Variants in WAC observed in about 807,000 individuals in gnomAD.
The protein encoded by WAC is WW domain containing adaptor with coiled-coil, also known as WW domain-containing adapter protein with coiled-coil.
Under a neutral mutation model 79.6 loss-of-function variants are expected in WAC, and 11 were observed. That is an observed-to-expected ratio of 0.14 (90% CI 0.09 to 0.23). The LOEUF is 0.23. Among genes scored for constraint, WAC ranks in the 10% least tolerant of loss-of-function variants. The probability of loss-of-function intolerance (pLI) is 1.00; values close to 1 mark genes in which losing one functional copy is unlikely to be tolerated. For missense variants in WAC, 728 were observed against 773.5 expected, an observed-to-expected ratio of 0.94 and a Z score of 0.70; for synonymous variants, 304 against 276.9, an observed-to-expected ratio of 1.10 and a Z score of -0.97.
At chr10:28,553,504 T>C (rs1037161485) in intron 3 of WAC, among the ~76,000 whole-genome samples, 2 of 152,146 alleles carry the variant, frequency 1.3e-5, no homozygotes, top group African/African-American at 4.8e-5. Context: ...TTTCAGAAAT[T>C]CTTGTGTATT....
At chr10:28,573,890 A>G (rs1839107506) in intron 3 of WAC, among the ~76,000 whole-genome samples, 1 of 151,862 alleles carries the variant, frequency 6.6e-6, no homozygotes. Context: ...GCTCTAAGAA[A>G]CTATTACTGC....
At chr10:28,593,057 T>C (rs1840178553) in intron 6 of WAC, among the ~76,000 whole-genome samples, 1 of 152,216 alleles carries the variant, frequency 6.6e-6, no homozygotes, top group Admixed American at 6.5e-5. Context: ...GATTACTGCC[T>C]TCAGTTAAAT....
chr10:28,616,085 T>C, intron 11 of WAC, 88 bp from the exon 12 acceptor site: 1 of 1,087,404 alleles, frequency 9.2e-7, no homozygotes, highest in Non-Finnish European at 1.3e-6. Context: ...ATCTTTAAGT[T>C]AATAAAAGGT....
chr10:28,613,209 G>C (rs1279058596), intron 10 of WAC, among the ~76,000 whole-genome samples: 2 of 152,128 alleles, frequency 1.3e-5, no homozygotes, highest in Non-Finnish European at 2.9e-5. Flanking sequence ...TCTACTAAAA[G>C]TACAAAAATT....
chr10:28,546,251 T>G (rs2132387651), intron 3 of WAC, among the ~76,000 whole-genome samples: 1 of 152,366 alleles, frequency 6.6e-6, no homozygotes, highest in East Asian at 1.9e-4. Flanking sequence ...GCTAGTGAAT[T>G]ATGTTACATT....
intron 3 of WAC, among the ~76,000 whole-genome samples, chr10:28,565,937 T>C (rs1180967034): frequency 6.6e-6 from 1 of 152,198 alleles, no homozygotes; most frequent in Non-Finnish European, 1.5e-5. Context: ...TGTTTAAAAA[T>C]ATTAGAGTGT....
At position 28,590,710 on chromosome 10, in the gene WAC, T is replaced by A; in HGVS notation, c.498-10T>A. On this transcript the variant is annotated splice_polypyrimidine_tract_variant and intron_variant, in intron 5 of 13. Transcript: ENST00000354911. ...AATTTTTATATGTTTATCTTTTTTT[T>A]TATTTTTAGAGAACAGAGACAAAAA... 6.4e-7 allele frequency: 1 copy of A among 1,569,664 alleles called. No individual in the cohort carries two copies. Among genetic ancestry groups the A allele is most frequent in the Non-Finnish European group, 8.6e-7 (1 of 1,159,718 alleles).
At chr10:28,604,311 C>T (rs147716108) in intron 7 of WAC, among the ~76,000 whole-genome samples, 22 of 150,864 alleles carry the variant, frequency 1.5e-4, no homozygotes, top group Non-Finnish European at 2.9e-4. Context: ...AAGTTAAATG[C>T]GAATGCATGT....
At chr10:28,560,377 T>G (rs369376595) in intron 3 of WAC, among the ~76,000 whole-genome samples, 31 of 152,046 alleles carry the variant, frequency 2.0e-4, no homozygotes, top group Admixed American at 1.0e-3. Flanking sequence ...GGAGTGTGTG[T>G]GGGGGGCACG....
chr10:28,602,011 C>A, intron 7 of WAC, among the ~76,000 whole-genome samples: 1 of 152,182 alleles, frequency 6.6e-6, no homozygotes, highest in Non-Finnish European at 1.5e-5. Context: ...CTGCATTATA[C>A]TTGTAAAATG....
intron 3 of WAC, among the ~76,000 whole-genome samples, chr10:28,547,521 G>A (rs1837419066): frequency 2.0e-5 from 3 of 151,110 alleles, no homozygotes; most frequent in South Asian, 4.2e-4. Flanking sequence ...GGCAACAAGA[G>A]TGAGACTCCA....
At position 28,574,982 on chromosome 10, in the gene WAC, T is replaced by C. The variant is rs182798750; in HGVS notation, c.275-8417T>C. 4.6e-3 allele frequency among the ~76,000 whole-genome samples: 651 copies of C among 142,288 alleles called. 2 individuals are homozygous for C. Among genetic ancestry groups the C allele is most frequent in the Non-Finnish European group, 7.3e-3 (459 of 62,692 alleles). 93.3% of individuals were successfully genotyped at this position (142,288 alleles called of 152,430 possible). ...TCAATGAATCAAAGAAAAAGTTACA[T>C]TAATGGTACCTAGAGCTTATTATTT... is the stretch of plus-strand genomic sequence containing the variant. On this transcript the variant is annotated intron_variant, in intron 3 of 13. Coordinates refer to ENST00000354911, the MANE Select transcript of WAC (RefSeq NM_016628.5).
intron 13 of WAC, 69 bp from the exon 14 acceptor site, chr10:28,619,468 A>G: frequency 8.3e-7 from 1 of 1,210,242 alleles, no homozygotes. Flanking sequence ...AATTTTAATT[A>G]TAAAAGCTCG....
chr10:28,603,558 A>G (rs1840744580), intron 7 of WAC, among the ~76,000 whole-genome samples: 2 of 152,148 alleles, frequency 1.3e-5, no homozygotes, highest in African/African-American at 2.4e-5. Flanking sequence ...AACATGTAAA[A>G]CATGTTATTA....
chr10:28,589,677 A>T (rs571077772), intron 4 of WAC, 59 bp from the exon 5 acceptor site: 1 of 1,131,614 alleles, frequency 8.8e-7, no homozygotes, highest in East Asian at 2.5e-5. Context: ...GATGTTGTTG[A>T]TATTTCATGT....
At chr10:28,535,034 A>T (rs1413375391) in intron 2 of WAC, among the ~76,000 whole-genome samples, 1 of 151,852 alleles carries the variant, frequency 6.6e-6, no homozygotes, top group Non-Finnish European at 1.5e-5. Context: ...ATACCTTAAA[A>T]TTGTTTCCCA....
At chr10:28,614,207 G>C (rs1037543561) in intron 10 of WAC, among the ~76,000 whole-genome samples, 11 of 151,918 alleles carry the variant, frequency 7.2e-5, no homozygotes, top group African/African-American at 2.7e-4. Flanking sequence ...CCGGGTTCAC[G>C]CCATTCTCCT....
At chr10:28,541,417 T>G (rs71486227) in intron 3 of WAC, among the ~76,000 whole-genome samples, 13,570 of 72,256 alleles carry the variant, frequency 0.19, 1,794 homozygotes, top group Middle Eastern at 0.25. Flanking sequence ...GTGTGTGTGT[T>G]TTGTTTTTTT....
intron 7 of WAC, among the ~76,000 whole-genome samples, chr10:28,600,956 A>G (rs1840614302): frequency 6.6e-6 from 1 of 152,114 alleles, no homozygotes. Context: ...AGAATGGATC[A>G]AAGACCTAAA....
Sources: allele counts gnomAD v4.1 joint callset (sites outside exome capture counted in the v4.1 genomes callset), GRCh38; gene constraint gnomAD v4.1.1; transcripts MANE v1.5; gene names NCBI Gene and HGNC (gene_info 2026-07-23, HGNC 2026-07-21).